Variants in ARHGAP24 observed in about 807,000 individuals in gnomAD.
The protein encoded by ARHGAP24 is Rho GTPase activating protein 24, also known as rho GTPase-activating protein 24.
A neutral mutation model predicts 76.4 loss-of-function variants in ARHGAP24; 50 were observed. That is an observed-to-expected ratio of 0.65 (90% CI 0.52 to 0.83). The LOEUF is 0.83. Among genes scored for constraint, ARHGAP24 ranks in the 40% least tolerant of loss-of-function variants. The probability of loss-of-function intolerance (pLI) is 0.00; values close to 1 mark genes in which losing one functional copy is unlikely to be tolerated. For synonymous variants in ARHGAP24, 345 were observed against 323.3 expected (o/e 1.07, Z -0.72); for missense variants, 930 against 914.2 (o/e 1.02, Z -0.22).
chr4:85,827,865 T>A (rs1729798852), intron 3 of ARHGAP24: 15 of 1,275,442 alleles, frequency 1.2e-5, no homozygotes, highest in Non-Finnish European at 1.5e-5. Flanking sequence ...AGGACCTGAG[T>A]TGGGCTCGAA....
chr4:85,979,446 T>G (rs964425084), intron 8 of ARHGAP24, among the ~76,000 whole-genome samples: 8 of 152,056 alleles, frequency 5.3e-5, no homozygotes, highest in African/African-American at 1.9e-4. Context: ...TTTTTTACAT[T>G]GCAAAACTGA....
intron 2 of ARHGAP24, among the ~76,000 whole-genome samples, chr4:85,591,221 T>C (rs1243941728): frequency 6.6e-6 from 1 of 151,960 alleles, no homozygotes; most frequent in Non-Finnish European, 1.5e-5. Flanking sequence ...AATTATTGTA[T>C]TTTTAGTAGA....
intron 8 of ARHGAP24, among the ~76,000 whole-genome samples, chr4:85,980,296 A>G (rs932247430): frequency 3.3e-5 from 5 of 152,226 alleles, no homozygotes; most frequent in Non-Finnish European, 5.9e-5. Context: ...TTAAAGAAAA[A>G]GTGCCTCACA....
intron 2 of ARHGAP24, among the ~76,000 whole-genome samples, chr4:85,664,944 A>G (rs370986100): frequency 2.7e-4 from 41 of 152,144 alleles, no homozygotes; most frequent in South Asian, 1.9e-3. Context: ...TATGTGGTCA[A>G]TTTTGGAATA....
chr4:85,661,909 G>A (rs891956371), intron 2 of ARHGAP24, among the ~76,000 whole-genome samples: 2 of 152,016 alleles, frequency 1.3e-5, no homozygotes, highest in South Asian at 4.2e-4. Context: ...TCTTAATCCA[G>A]TCTATCCTTA....
chr4:85,515,945 A>G (rs1424633707), intron 1 of ARHGAP24, among the ~76,000 whole-genome samples: 1 of 152,148 alleles, frequency 6.6e-6, no homozygotes, highest in Non-Finnish European at 1.5e-5. Context: ...GGGTGCTGTC[A>G]AACTTGAACA....
chr4:85,624,592 T>C (rs1246411489), intron 2 of ARHGAP24, among the ~76,000 whole-genome samples: 3 of 152,372 alleles, frequency 2.0e-5, no homozygotes, highest in African/African-American at 7.2e-5. Flanking sequence ...AGGATGATGC[T>C]GGCCTCATAA....
intron 2 of ARHGAP24, among the ~76,000 whole-genome samples, chr4:85,577,987 C>G (rs764646728): frequency 7.2e-5 from 11 of 152,166 alleles, no homozygotes; most frequent in Non-Finnish European, 1.2e-4. Context: ...GTCCAGAAAG[C>G]AGTGGTAAAT....
chr4:85,479,459 T>TA (rs1223304775), intron 1 of ARHGAP24, among the ~76,000 whole-genome samples: 1 of 152,240 alleles, frequency 6.6e-6, no homozygotes, highest in Non-Finnish European at 1.5e-5. Flanking sequence ...CTGTGAAGAC[T>TA]AATAATGAAG....
intron 2 of ARHGAP24, among the ~76,000 whole-genome samples, chr4:85,715,681 A>G (rs1431320101): frequency 1.3e-5 from 2 of 152,062 alleles, no homozygotes; most frequent in Non-Finnish European, 2.9e-5. Flanking sequence ...TATGGTTACA[A>G]TTTAATATTT....
chr4:85,913,498 C>T (rs1735200028), intron 3 of ARHGAP24, among the ~76,000 whole-genome samples: 3 of 151,988 alleles, frequency 2.0e-5, no homozygotes, highest in Admixed American at 2.0e-4. Flanking sequence ...ATTTTCTTCA[C>T]CATAGCTACA....
intron 2 of ARHGAP24, among the ~76,000 whole-genome samples, chr4:85,663,543 T>G (rs886814695): frequency 6.7e-6 from 1 of 148,856 alleles, no homozygotes; most frequent in African/African-American, 2.5e-5. Flanking sequence ...TGGCCAGAAC[T>G]TCCAACACTA....
At chr4:85,510,134 A>G (rs777376433) in intron 1 of ARHGAP24, among the ~76,000 whole-genome samples, 20 of 152,212 alleles carry the variant, frequency 1.3e-4, no homozygotes, top group Non-Finnish European at 2.6e-4. Flanking sequence ...AAATAAAGTG[A>G]CAGGAATATA....
intron 1 of ARHGAP24, among the ~76,000 whole-genome samples, chr4:85,549,752 G>A (rs774695031): frequency 1.3e-5 from 2 of 152,110 alleles, no homozygotes; most frequent in African/African-American, 2.4e-5. Context: ...TGATCCTTAT[G>A]CTGCTCCCTC....
At position 85,476,992 on chromosome 4, in the gene ARHGAP24, T is replaced by C. The variant is rs140212551; in HGVS notation, c.-21+1433T>C. On this transcript the variant is annotated intron_variant, in intron 1 of 9. Coordinates refer to ENST00000395184, the MANE Select transcript of ARHGAP24 (RefSeq NM_001025616.3). ...TGTTCTCTCTAGAGCCATTACTTAG[T>C]GGTCAGAGACTTCACCTTTGACATC... Among the ~76,000 whole-genome samples, 1,106 of 152,258 alleles carry C rather than the reference T, an allele frequency of 7.3e-3. 13 individuals carry two copies. The highest frequency in any genetic ancestry group is 0.025 in the African/African-American group (1,055 of 41,546).
chr4:85,622,248 TC>T (rs1303310257), intron 2 of ARHGAP24, among the ~76,000 whole-genome samples: 1 of 35,386 alleles, frequency 2.8e-5, no homozygotes, highest in Non-Finnish European at 5.2e-5. Context: ...CCCTCCCCCC[TC>T]CCCCCACCCC....
chr4:85,533,042 T>G (rs1725332194), intron 1 of ARHGAP24, among the ~76,000 whole-genome samples: 1 of 152,230 alleles, frequency 6.6e-6, no homozygotes, highest in Non-Finnish European at 1.5e-5. Flanking sequence ...TTAGTTTTAC[T>G]TTCAACGTAT....
chr4:85,662,755 C>T (rs1722449606), intron 2 of ARHGAP24, among the ~76,000 whole-genome samples: 1 of 152,168 alleles, frequency 6.6e-6, no homozygotes, highest in Non-Finnish European at 1.5e-5. Context: ...GTTTTCCCAG[C>T]ACCATTTATT....
At chr4:85,488,129 T>G (rs1723215031) in intron 1 of ARHGAP24, among the ~76,000 whole-genome samples, 1 of 151,376 alleles carries the variant, frequency 6.6e-6, no homozygotes. Context: ...TGAGACACTG[T>G]GGGTATGAAA....
Sources: allele counts gnomAD v4.1 joint callset (sites outside exome capture counted in the v4.1 genomes callset), GRCh38; gene constraint gnomAD v4.1.1; transcripts MANE v1.5; gene names NCBI Gene and HGNC (gene_info 2026-07-23, HGNC 2026-07-21).